Variants in CNTLN observed in about 807,000 individuals in gnomAD.
CNTLN encodes centlein.
In CNTLN, 212 loss-of-function variants were observed where a neutral mutation model predicts 180.0. That is an observed-to-expected ratio of 1.18 (90% CI 1.05 to 1.32). The LOEUF (loss-of-function observed/expected upper bound fraction) is 1.32, where lower values mean the gene tolerates loss of function less well. Among genes scored for constraint, CNTLN ranks in the 40% most tolerant of loss-of-function variants. The probability of loss-of-function intolerance (pLI) is 0.00; values close to 1 mark genes in which losing one functional copy is unlikely to be tolerated. For missense variants in CNTLN, 2,095 were observed against 1,610.9 expected, an observed-to-expected ratio of 1.30 and a Z score of -5.14; for synonymous variants, 722 against 563.1, an observed-to-expected ratio of 1.28 and a Z score of -3.99.
chr9:17,347,741 C>G (rs1822027123), intron 12 of CNTLN, among the ~76,000 whole-genome samples: 1 of 151,702 alleles, frequency 6.6e-6, no homozygotes, highest in African/African-American at 2.4e-5. Flanking sequence ...TACCAGACAT[C>G]ATAGCTTAGC....
intron 8 of CNTLN, among the ~76,000 whole-genome samples, chr9:17,327,296 C>T (rs1820362267): frequency 2.5e-5 from 1 of 39,220 alleles, no homozygotes; most frequent in Admixed American, 2.9e-4. Context: ...GCTGCAAACT[C>T]CGCCTCCCAG....
intron 7 of CNTLN, chr9:17,301,544 C>A: frequency 1.0e-6 from 1 of 984,518 alleles, no homozygotes; most frequent in South Asian, 4.7e-5. Flanking sequence ...CAGAGATTAC[C>A]TTGGGGAGTG....
chr9:17,139,385 C>T (rs1338882832), intron 1 of CNTLN, among the ~76,000 whole-genome samples: 3 of 151,860 alleles, frequency 2.0e-5, no homozygotes, highest in African/African-American at 7.3e-5. Context: ...TGCACCTGGC[C>T]TGAGAATAAA....
rs116281994 is a variant in CNTLN, at chr9:17,325,659, G to A, written c.1342-4973G>A. 5.5e-3 allele frequency among the ~76,000 whole-genome samples: 832 copies of A among 151,764 alleles called. 6 individuals carry two copies. The highest frequency in any genetic ancestry group is 0.019 in the African/African-American group (799 of 41,430). On this transcript the variant is annotated intron_variant, in intron 8 of 25. Transcript: ENST00000380647. Reference sequence around the variant, plus strand: ...TATTTCTTTTGCTGAGGTATCATGTGCTTTTAGAAATGTTTTTGTTTTGCT... The same window carrying A: ...TATTTCTTTTGCTGAGGTATCATGTACTTTTAGAAATGTTTTTGTTTTGCT...
chr9:17,476,784 C>T (rs1034981449), intron 23 of CNTLN, among the ~76,000 whole-genome samples: 3 of 152,188 alleles, frequency 2.0e-5, no homozygotes, highest in African/African-American at 7.2e-5. Context: ...CCTAAGAATA[C>T]AAGGTAAAGC....
intron 7 of CNTLN, among the ~76,000 whole-genome samples, chr9:17,305,418 G>A (rs565755001): frequency 6.6e-6 from 1 of 152,150 alleles, no homozygotes; most frequent in South Asian, 2.1e-4. Flanking sequence ...GAAAACTGTT[G>A]TAAGGAATCT....
intron 11 of CNTLN, among the ~76,000 whole-genome samples, 194 bp from the exon 12 acceptor site, chr9:17,342,131 G>C (rs1490887504): frequency 6.6e-6 from 1 of 152,120 alleles, no homozygotes; most frequent in African/African-American, 2.4e-5. Flanking sequence ...CACAGTAGCA[G>C]TTTAGCTTCA....
intron 18 of CNTLN, among the ~76,000 whole-genome samples, chr9:17,427,351 T>C (rs1297483628): frequency 2.0e-5 from 3 of 151,762 alleles, no homozygotes; most frequent in African/African-American, 7.3e-5. Flanking sequence ...ATATTTTCTA[T>C]GTGATACAGA....
chr9:17,136,881 C>T (rs1396669392), intron 1 of CNTLN, among the ~76,000 whole-genome samples: 1 of 152,118 alleles, frequency 6.6e-6, no homozygotes, highest in East Asian at 1.9e-4. Context: ...AAGATGTGAA[C>T]CCATGATAAA....
At chr9:17,267,123 C>T (rs924723257) in intron 5 of CNTLN, among the ~76,000 whole-genome samples, 13 of 152,200 alleles carry the variant, frequency 8.5e-5, no homozygotes, top group Admixed American at 7.8e-4. Flanking sequence ...GATGCAGTTT[C>T]TTCCTATCCT....
intron 3 of CNTLN, among the ~76,000 whole-genome samples, chr9:17,228,797 G>A (rs1824636546): frequency 6.6e-6 from 1 of 152,128 alleles, no homozygotes; most frequent in South Asian, 2.1e-4. Flanking sequence ...GGACTTGATA[G>A]TAATTCTGAA....
intron 18 of CNTLN, among the ~76,000 whole-genome samples, chr9:17,418,655 A>G (rs536877612): frequency 9.9e-5 from 15 of 152,102 alleles, no homozygotes; most frequent in East Asian, 7.7e-4. Flanking sequence ...TAATTATTTT[A>G]TATCTGTATC....
At chr9:17,513,468 G>A in the CNTLN span, among the ~76,000 whole-genome samples, 2 of 152,090 alleles carry the variant, frequency 1.3e-5, no homozygotes, top group Admixed American at 6.5e-5. Context: ...GGCCCAGGCG[G>A]GCAGCTCATT....
In CNTLN at chr9:17,405,328, A is replaced by C. The variant is rs1012504056; in HGVS notation, c.2616-3965A>C. ...TTGTGTTGCTATAACAACACACACA[A>C]AAAAATACCACAGACTGGATAACTT... On this transcript the variant is annotated intron_variant, in intron 15 of 25. Transcript: ENST00000380647. Among the ~76,000 whole-genome samples the C allele has an allele frequency of 7.2e-5, 11 of 151,726 alleles. 1 individual carries two copies. Among genetic ancestry groups the C allele is most frequent in the Admixed American group, 5.3e-4 (8 of 15,212 alleles).
intron 23 of CNTLN, among the ~76,000 whole-genome samples, chr9:17,479,172 C>T (rs889041619): frequency 6.6e-6 from 1 of 152,274 alleles, no homozygotes; most frequent in Middle Eastern, 3.4e-3. Context: ...CACCATTGGA[C>T]TTAGTAATCC....
At chr9:17,470,160 T>C (rs1316586834) in intron 23 of CNTLN, among the ~76,000 whole-genome samples, 1 of 151,950 alleles carries the variant, frequency 6.6e-6, no homozygotes, top group Admixed American at 6.6e-5. Context: ...ATTTGTTGTC[T>C]TCAGGGTATT....
At chr9:17,156,940 A>G (rs1035815002) in intron 2 of CNTLN, among the ~76,000 whole-genome samples, 14 of 152,228 alleles carry the variant, frequency 9.2e-5, no homozygotes, top group Non-Finnish European at 2.1e-4. Flanking sequence ...TGCTAGGTAC[A>G]AAGTTGTATT....
At chr9:17,366,593 T>G in intron 12 of CNTLN, 24 bp from the exon 13 acceptor site, 1 of 1,172,810 alleles carries the variant, frequency 8.5e-7, no homozygotes, top group Non-Finnish European at 1.3e-6. Flanking sequence ...TGGTTTTAAG[T>G]AAATGTTTAT....
chr9:17,498,170 A>AT (rs1833557175), intron 25 of CNTLN, among the ~76,000 whole-genome samples: 1 of 151,984 alleles, frequency 6.6e-6, no homozygotes, highest in Admixed American at 6.6e-5. Flanking sequence ...CCTTATTTCC[A>AT]TTTTTTCTTT....
Sources: gnomAD v4.1 joint callset for allele counts (sites outside exome capture counted in the v4.1 genomes callset) on GRCh38, gnomAD v4.1.1 for gene constraint, MANE v1.5 for transcripts, NCBI Gene and HGNC (gene_info 2026-07-23, HGNC 2026-07-21) for gene names.